Variants in EHD3 observed in about 807,000 individuals in gnomAD.
EHD3 encodes the protein EH domain containing 3, also known as EH domain-containing protein 3.
In EHD3, 17 loss-of-function variants were observed where a neutral mutation model predicts 43.0. That is an observed-to-expected ratio of 0.40 (90% CI 0.27 to 0.59). The LOEUF (loss-of-function observed/expected upper bound fraction) is 0.59, where lower values mean the gene tolerates loss of function less well. EHD3 is among the 20% of genes least tolerant of loss of function. EHD3 has a pLI of 0.49. For synonymous variants in EHD3, 313 were observed against 289.5 expected, an observed-to-expected ratio of 1.08 and a Z score of -0.82; for missense variants, 594 against 705.6, an observed-to-expected ratio of 0.84 and a Z score of 1.79.
At chr2:31,253,244 T>TCC (rs1491201693) in intron 3 of EHD3, among the ~76,000 whole-genome samples, 2 of 69,956 alleles carry the variant, frequency 2.9e-5, no homozygotes, top group Non-Finnish European at 4.9e-5. Context: ...AGCAACCCCC[T>TCC]CCCACACACA....
At position 31,248,819 on chromosome 2, in the gene EHD3, C is replaced by G. The variant is rs183398260; in HGVS notation, c.405-552C>G. Among the ~76,000 whole-genome samples, 114 of 152,310 alleles carry G rather than the reference C, an allele frequency of 7.5e-4. 1 individual carries two copies. Among genetic ancestry groups the G allele is most frequent in the South Asian group, 2.3e-3 (11 of 4,826 alleles). ...GCACAGCCACTTGGCCCACAAGGAT[C>G]AAATCAGAAGGAGGCTCCCCAGACC... On this transcript the variant is annotated intron_variant, in intron 2 of 5. Coordinates refer to ENST00000322054, the MANE Select transcript of EHD3 (RefSeq NM_014600.3).
Position 31,264,018 on chromosome 2 carries a change from G to T in EHD3, c.1081-2159G>T, listed in dbSNP as rs191598090. On this transcript the variant is annotated intron_variant, in intron 5 of 5. Transcript: ENST00000322054. ...CATGCCCACCTGCCTGCCTGTGCCT[G>T]CTGTGTCAAACCCTCGGGGACAGTC... is the stretch of plus-strand genomic sequence containing the variant. 9.2e-5 allele frequency among the ~76,000 whole-genome samples: 14 copies of T among 152,342 alleles called. No individual in the cohort carries two copies. In the East Asian group the frequency reaches 2.3e-3, roughly 25 times the overall value.
chr2:31,249,341 T>A, intron 2 of EHD3, 30 bp from the exon 3 acceptor site: 1 of 1,605,100 alleles, frequency 6.2e-7, no homozygotes, highest in African/African-American at 1.3e-5. Context: ...GGTGGGCGAG[T>A]ACTCACCCAG....
intron 2 of EHD3, 128 bp from the exon 3 acceptor site, chr2:31,249,243 A>G (rs1305672559): frequency 6.3e-6 from 5 of 794,920 alleles, no homozygotes; most frequent in Non-Finnish European, 1.0e-5. Flanking sequence ...GGGCAAGTCC[A>G]TGGTGAACTA....
At chr2:31,242,430 A>G (rs1204836643) in intron 1 of EHD3, among the ~76,000 whole-genome samples, 1 of 152,220 alleles carries the variant, frequency 6.6e-6, no homozygotes, top group Non-Finnish European at 1.5e-5. Flanking sequence ...ACATTTAAAA[A>G]CATAGCACAA....
intron 5 of EHD3, among the ~76,000 whole-genome samples, chr2:31,265,282 T>G (rs921010845): frequency 6.6e-6 from 1 of 152,222 alleles, no homozygotes; most frequent in African/African-American, 2.4e-5. Context: ...GTTATCATTA[T>G]CCGGTATTAT....
intron 1 of EHD3, among the ~76,000 whole-genome samples, chr2:31,243,886 G>A (rs547147935): frequency 3.9e-5 from 6 of 152,116 alleles, no homozygotes; most frequent in Admixed American, 1.3e-4. Flanking sequence ...GGAAGGTTTA[G>A]TTCTAACCAT....
chr2:31,267,135 T>G lies in EHD3; in HGVS notation c.*431T>G, dbSNP rs1683969478. On this transcript the variant is annotated 3_prime_UTR_variant, in exon 6 of 6. Coordinates refer to ENST00000322054, the MANE Select transcript of EHD3 (RefSeq NM_014600.3). The stretch of plus-strand genomic sequence containing the variant: ...CACTTCTTTTTCTGTGCTTCCCCTA[T>G]CTGCTTTGGCTTCCTAATAAGAAAT... 1 of 160,182 alleles carries G rather than the reference T, an allele frequency of 6.2e-6. No individual in the cohort carries two copies. Among genetic ancestry groups the G allele is most frequent in the Admixed American group, 6.2e-5 (1 of 16,246 alleles). 9.9% of individuals were successfully genotyped at this position (160,182 alleles called of 1,614,324 possible).
At chr2:31,238,616 G>A (rs1251537268) in intron 1 of EHD3, among the ~76,000 whole-genome samples, 1 of 152,210 alleles carries the variant, frequency 6.6e-6, no homozygotes, top group Non-Finnish European at 1.5e-5. Context: ...GGCCCTGGCA[G>A]CCTTTCCTCC....
Position 31,266,269 on chromosome 2 carries a change from C to T in EHD3, c.1173C>T (p.Ala391=). The part of the protein sequence containing the change: ...VVDDMLAHDI[A]QLMVLVRQEE... ...ACGACATGCTGGCCCATGACATTGC[C>T]CAGCTCATGGTGCTAGTGCGCCAGG... Residue 391 remains alanine, a synonymous_variant, in exon 6 of 6, where the codon GCC becomes GCT. Coordinates refer to ENST00000322054, the MANE Select transcript of EHD3 (RefSeq NM_014600.3). The surrounding 1 kb of genome is among the most constrained non-coding windows in gnomAD (Gnocchi z 5.1). 1 of 1,614,148 alleles carries T rather than the reference C, an allele frequency of 6.2e-7. No individual in the cohort carries two copies. Among genetic ancestry groups the T allele is most frequent in the Non-Finnish European group, 8.5e-7 (1 of 1,180,032 alleles).
rs557753544 is a variant in EHD3, at chr2:31,260,637, C to G, written c.630C>G (p.His210Gln). The G allele has an allele frequency of 2.5e-6, 4 of 1,614,166 alleles. No homozygotes were observed. Among genetic ancestry groups the G allele is most frequent in the Non-Finnish European group, 2.5e-6 (3 of 1,180,034 alleles). ...AAGTCATCAAAGCCCTCAAGAACCA[C>G]GAGGACAAGATGCGAGTGGTGCTGA... ...FSEVIKALKN[H>Q]EDKMRVVLNK... is the part of the protein sequence containing the mutation. Residue 210 changes from histidine to glutamine, a missense_variant, in exon 4 of 6, where the codon CAC (histidine) becomes CAG (glutamine). By Grantham distance (24) the His-to-Gln change is conservative. Transcript: ENST00000322054. The surrounding 1 kb of genome is among the most constrained non-coding windows in gnomAD (Gnocchi z 4.6).
intron 1 of EHD3, among the ~76,000 whole-genome samples, chr2:31,239,361 G>T (rs547420240): frequency 9.7e-4 from 148 of 152,330 alleles, no homozygotes; most frequent in African/African-American, 3.4e-3. Context: ...GTCTCTAAAG[G>T]GGCCTGGGTG....
intron 1 of EHD3, among the ~76,000 whole-genome samples, chr2:31,243,807 T>C (rs113841808): frequency 6.6e-6 from 1 of 152,244 alleles, no homozygotes; most frequent in African/African-American, 2.4e-5. Flanking sequence ...TTGTATCATA[T>C]ATGAGCTATT....
chr2:31,249,511 T>C (rs1265694783), intron 3 of EHD3, 43 bp downstream of exon 3: 2 of 1,574,320 alleles, frequency 1.3e-6, no homozygotes, highest in Non-Finnish European at 1.7e-6. Flanking sequence ...GGCTCCATGG[T>C]TCTGGCACGT....
intron 1 of EHD3, among the ~76,000 whole-genome samples, chr2:31,236,387 A>T (rs964306315): frequency 6.6e-6 from 1 of 152,266 alleles, no homozygotes; most frequent in Non-Finnish European, 1.5e-5. Context: ...TATCTTTAGA[A>T]AAATGTACGT....
rs1683284789 is a variant in EHD3, at chr2:31,234,487, A to G, written c.-135A>G. ...GCCCTCCTAGCCGCGTGCCCGGGCC[A>G]TGGTGCGGCTGAGCCCCGCGCTTGG... On this transcript the variant is annotated 5_prime_UTR_variant, in exon 1 of 6. An upstream start codon of the reference 5' UTR is lost. Coordinates refer to ENST00000322054, the MANE Select transcript of EHD3 (RefSeq NM_014600.3). 3.1e-6 allele frequency: 3 copies of G among 976,710 alleles called. No homozygotes were observed. The South Asian group carries it at 4.9e-5, about 16-fold the overall frequency. The allele number at this position is 976,710 out of a possible 1,614,324, so 60.5% of individuals were successfully genotyped here.
At chr2:31,234,905 G>A (rs889941865) in intron 1 of EHD3, 57 bp downstream of exon 1, 32 of 1,512,682 alleles carry the variant, frequency 2.1e-5, no homozygotes, top group Non-Finnish European at 2.9e-5. Flanking sequence ...TAGTCCCTCC[G>A]GTCACTCCTG....
Position 31,261,554 on chromosome 2 carries a change from C to T in EHD3, c.921C>T (p.His307=), listed in dbSNP as rs201209745. 8.5e-5 allele frequency: 137 copies of T among 1,614,168 alleles called. No individual in the cohort carries two copies. In the South Asian group the frequency reaches 1.3e-3, roughly 16 times the overall value. The change falls in exon 5 of 6, where the codon CAC becomes CAT. Residue 307 remains histidine, a synonymous_variant. Transcript: ENST00000322054. ...TCTCTGGCCCTGTTTGTCAGGTCCACGCCTACATCATCAGCTCTCTGAAGA... is the reference window on the plus strand; with the variant it reads ...TCTCTGGCCCTGTTTGTCAGGTCCATGCCTACATCATCAGCTCTCTGAAGA... ...LIKRARLAKV[H]AYIISSLKKE... is the part of the protein sequence containing the mutation.
intron 3 of EHD3, among the ~76,000 whole-genome samples, chr2:31,250,414 G>C (rs1156336829): frequency 6.6e-6 from 1 of 151,912 alleles, no homozygotes; most frequent in Non-Finnish European, 1.5e-5. Context: ...TTACAGGCGT[G>C]CACCACCACA....
Sources: gnomAD v4.1 joint callset for allele counts (sites outside exome capture counted in the v4.1 genomes callset) on GRCh38, gnomAD v4.1.1 for gene constraint, Gnocchi (gnomAD v3.1) non-coding constraint, MANE v1.5 for transcripts, NCBI Gene and HGNC (gene_info 2026-07-23, HGNC 2026-07-21) for gene names.